PRKN: variants seen among roughly 807,000 people sequenced by gnomAD.
PRKN encodes E3 ubiquitin-protein ligase parkin.
In PRKN, 56 loss-of-function variants were observed where a neutral mutation model predicts 59.5. That is an observed-to-expected ratio of 0.94 (90% CI 0.76 to 1.18). PRKN has a LOEUF of 1.18. Ranked by LOEUF, PRKN falls within the 50% of genes most tolerant of loss-of-function variation. PRKN has a pLI of 0.00. For synonymous variants in PRKN, 250 were observed against 222.1 expected, an observed-to-expected ratio of 1.13 and a Z score of -1.12; for missense variants, 657 against 596.4, an observed-to-expected ratio of 1.10 and a Z score of -1.06.
chr6:162,035,474 T>A (rs1335473980), intron 5 of PRKN, among the ~76,000 whole-genome samples: 1 of 152,206 alleles, frequency 6.6e-6, no homozygotes, highest in Non-Finnish European at 1.5e-5. Context: ...TTAAAGTACA[T>A]TCTCTCTCGT....
At chr6:161,633,958 G>A (rs1269817513) in intron 7 of PRKN, among the ~76,000 whole-genome samples, 4 of 150,616 alleles carry the variant, frequency 2.7e-5, no homozygotes, top group African/African-American at 9.8e-5. Context: ...CTGTGTGTAC[G>A]TCACATGAGG....
At chr6:162,212,751 G>C (rs898831991) in intron 3 of PRKN, among the ~76,000 whole-genome samples, 1 of 152,180 alleles carries the variant, frequency 6.6e-6, no homozygotes, top group Admixed American at 6.5e-5. Context: ...GCATCACCTA[G>C]TACACAGCTG....
At chr6:161,944,394 C>T (rs188492154) in intron 6 of PRKN, among the ~76,000 whole-genome samples, 35 of 152,276 alleles carry the variant, frequency 2.3e-4, no homozygotes, top group African/African-American at 7.7e-4. Flanking sequence ...AGGCCCGGCA[C>T]AGACCCCATG....
At chr6:162,418,904 G>A (rs1467997459) in intron 2 of PRKN, among the ~76,000 whole-genome samples, 1 of 151,754 alleles carries the variant, frequency 6.6e-6, no homozygotes. Context: ...CGAGGGTGTG[G>A]GGCACCAGGA....
intron 1 of PRKN, among the ~76,000 whole-genome samples, chr6:162,494,810 G>A (rs143251101): frequency 2.5e-3 from 388 of 152,246 alleles, no homozygotes; most frequent in African/African-American, 8.5e-3. Context: ...AGAATCAAGC[G>A]AAGTAGGCAT....
At chr6:162,470,947 G>A (rs1349395342) in intron 1 of PRKN, among the ~76,000 whole-genome samples, 1 of 151,750 alleles carries the variant, frequency 6.6e-6, no homozygotes, top group African/African-American at 2.4e-5. Flanking sequence ...GAGATGGGGT[G>A]GGGCGGTTTC....
intron 4 of PRKN, among the ~76,000 whole-genome samples, chr6:162,096,998 T>A (rs1779771503): frequency 6.6e-6 from 1 of 151,522 alleles, no homozygotes; most frequent in Admixed American, 6.6e-5. Flanking sequence ...TCCCTCAGCC[T>A]CCTGAGTAGC....
chr6:162,131,278 G>C (rs1238354260), intron 4 of PRKN, among the ~76,000 whole-genome samples: 2 of 152,178 alleles, frequency 1.3e-5, no homozygotes, highest in African/African-American at 4.8e-5. Context: ...CTTCAAGTGA[G>C]AAACTTTTCA....
intron 9 of PRKN, among the ~76,000 whole-genome samples, chr6:161,524,878 C>T (rs1057391485): frequency 1.3e-5 from 2 of 152,062 alleles, no homozygotes; most frequent in African/African-American, 2.4e-5. Context: ...AGTAGGTGTA[C>T]GCAGGACGGA....
intron 4 of PRKN, among the ~76,000 whole-genome samples, chr6:162,120,329 C>T (rs550365401): frequency 2.6e-5 from 4 of 152,248 alleles, no homozygotes; most frequent in Admixed American, 6.5e-5. Context: ...AAAAGTATCC[C>T]GAGTTTATGA....
At chr6:161,984,886 C>T (rs1781379919) in intron 5 of PRKN, among the ~76,000 whole-genome samples, 1 of 152,142 alleles carries the variant, frequency 6.6e-6, no homozygotes, top group African/African-American at 2.4e-5. Flanking sequence ...AGCAGGAGGA[C>T]CCTGCTGGCC....
At chr6:161,781,137 C>G (rs954908444) in intron 7 of PRKN, among the ~76,000 whole-genome samples, 1 of 152,180 alleles carries the variant, frequency 6.6e-6, no homozygotes, top group Non-Finnish European at 1.5e-5. Flanking sequence ...GTCTCAGCTT[C>G]TGGTTACTAG....
At chr6:162,250,906 T>A (rs1583268343) in intron 3 of PRKN, among the ~76,000 whole-genome samples, 1 of 152,300 alleles carries the variant, frequency 6.6e-6, no homozygotes, top group East Asian at 1.9e-4. Context: ...TTTGGGTTTT[T>A]TAGCAAAATT....
At position 161,460,436 on chromosome 6, in the gene PRKN, G is replaced by A. The variant is rs1790151544; in HGVS notation, c.1084-73559C>T. ...ATAATGGGCTATACTTGGCATTGGA[G>A]TCATTTAGAAGGACACAGGACAAGA... On this transcript the variant is annotated intron_variant, in intron 9 of 11. Coordinates refer to ENST00000366898, the MANE Select transcript of PRKN (RefSeq NM_004562.3). This position sits in a 1 kb window ranked among gnomAD's most constrained non-coding sequence, Gnocchi z 5.0. Among the ~76,000 whole-genome samples, 1 of 152,120 alleles carries A rather than the reference G, an allele frequency of 6.6e-6. No homozygotes were observed. The highest frequency in any genetic ancestry group is 2.4e-5 in the African/African-American group (1 of 41,430).
chr6:161,881,817 C>T (rs930776766), intron 6 of PRKN, among the ~76,000 whole-genome samples: 2 of 152,136 alleles, frequency 1.3e-5, no homozygotes, highest in African/African-American at 4.8e-5. Context: ...GAAGTCGTGG[C>T]TCCTTTGCTC....
intron 2 of PRKN, among the ~76,000 whole-genome samples, chr6:162,343,800 T>A (rs1381716439): frequency 6.6e-6 from 1 of 152,164 alleles, no homozygotes; most frequent in Non-Finnish European, 1.5e-5. Context: ...ACAGTTAAAA[T>A]TTTAGGAAAC....
In PRKN at chr6:161,468,715, C is replaced by T. The variant is rs185050014; in HGVS notation, c.1083+80139G>A. 2.0e-5 allele frequency among the ~76,000 whole-genome samples: 3 copies of T among 152,196 alleles called. No individual in the cohort carries two copies. Among genetic ancestry groups the T allele is most frequent in the Admixed American group, 6.5e-5 (1 of 15,304 alleles). ...TGCTATTTACCACTAATGCAGCTGC[C>T]GGGAGGATCCAGCCTCAGAGGACTT... is the stretch of plus-strand genomic sequence containing the variant. On this transcript the variant is annotated intron_variant, in intron 9 of 11. Coordinates refer to ENST00000366898, the MANE Select transcript of PRKN (RefSeq NM_004562.3). The surrounding 1 kb of genome is among the most constrained non-coding windows in gnomAD (Gnocchi z 5.9).
chr6:161,733,873 A>G (rs1787852091), intron 7 of PRKN, among the ~76,000 whole-genome samples: 1 of 148,102 alleles, frequency 6.8e-6, no homozygotes, highest in South Asian at 2.1e-4. Context: ...TTTTTAAACT[A>G]CAAGTCTGTC....
chr6:161,714,120 G>A (rs1243912121), intron 7 of PRKN, among the ~76,000 whole-genome samples: 1 of 152,130 alleles, frequency 6.6e-6, no homozygotes, highest in Non-Finnish European at 1.5e-5. Context: ...GATTCACAGT[G>A]GCTTGATCTG....
Sources: allele counts gnomAD v4.1 joint callset (sites outside exome capture counted in the v4.1 genomes callset), GRCh38; gene constraint gnomAD v4.1.1; non-coding constraint Gnocchi (gnomAD v3.1); transcripts MANE v1.5; gene names NCBI Gene and HGNC (gene_info 2026-07-23, HGNC 2026-07-21).